The following RIDA variants were observed in gnomAD, a reference collection of about 807,000 sequenced individuals.
The protein encoded by RIDA is reactive intermediate imine deaminase A, also known as 2-iminobutanoate/2-iminopropanoate deaminase.
Under a neutral mutation model 17.8 loss-of-function variants are expected in RIDA, and 17 were observed. That is an observed-to-expected ratio of 0.96 (90% confidence interval 0.65 to 1.43). The LOEUF (loss-of-function observed/expected upper bound fraction) is 1.43. Ranked by LOEUF, RIDA falls within the 40% of genes most tolerant of loss-of-function variation. The pLI is 0.00. For synonymous variants in RIDA, 48 were observed against 55.7 expected, an observed-to-expected ratio of 0.86 and a Z score of 0.62; for missense variants, 158 against 161.7, an observed-to-expected ratio of 0.98 and a Z score of 0.12.
At position 98,112,195 on chromosome 8, in the gene RIDA, AACAC is replaced by A. The variant is rs56178607; in HGVS notation, c.66-3448_66-3445del. ...TGTTATCATAAATAAAACTATACTA[AACAC>A]ACACACACACACACACACACACACT... On this transcript the variant is annotated intron_variant, in intron 1 of 5. Coordinates refer to ENST00000254878, the MANE Select transcript of RIDA (RefSeq NM_005836.3). 2.8e-3 allele frequency among the ~76,000 whole-genome samples: 420 copies of A among 148,068 alleles called. 1 individual carries two copies. Among genetic ancestry groups the A allele is most frequent in the African/African-American group, 9.8e-3 (389 of 39,844 alleles).
chr8:98,113,096 A>T (rs773098395), intron 1 of RIDA, among the ~76,000 whole-genome samples: 3 of 152,228 alleles, frequency 2.0e-5, no homozygotes, highest in Non-Finnish European at 4.4e-5. Context: ...AAAGCATTCT[A>T]ATAATTCTCA....
intron 1 of RIDA, among the ~76,000 whole-genome samples, chr8:98,110,463 T>C (rs1037257356): frequency 3.3e-5 from 5 of 152,190 alleles, no homozygotes; most frequent in African/African-American, 1.2e-4. Flanking sequence ...TTTTGCCATG[T>C]TGGCCAGGCT....
chr8:98,111,234 G>T (rs1169751891), intron 1 of RIDA, among the ~76,000 whole-genome samples: 1 of 152,130 alleles, frequency 6.6e-6, no homozygotes, highest in East Asian at 1.9e-4. Flanking sequence ...TTATAGGAAT[G>T]ATATTAATTT....
rs567125321 is a variant in RIDA at position 98,115,578 on chromosome 8, T to TG, written c.65+1453dup. ...ACTTTTTTTTTTTTTTAAATAGAGATGGGGGTCTCACTATGTTGCCCAGGC... is the reference window on the plus strand; with the variant it reads ...ACTTTTTTTTTTTTTTAAATAGAGATGGGGGGTCTCACTATGTTGCCCAGGC... On this transcript the variant is annotated intron_variant, in intron 1 of 5. Coordinates refer to ENST00000254878, the MANE Select transcript of RIDA (RefSeq NM_005836.3). Among the ~76,000 whole-genome samples, 35 of 150,758 alleles carry TG rather than the reference T, an allele frequency of 2.3e-4. 1 individual carries two copies. The South Asian group carries it at 5.5e-3, about 24-fold the overall frequency.
Position 98,104,543 on chromosome 8 carries a change from A to C in RIDA, c.297T>G (p.Tyr99Ter). 6.4e-7 allele frequency: 1 copy of C among 1,570,386 alleles called. No individual in the cohort carries two copies. Among genetic ancestry groups the C allele is most frequent in the Non-Finnish European group, 8.7e-7 (1 of 1,143,100 alleles). The change falls in exon 5 of 6, where the codon TAT becomes TAG. Residue 99 changes from tyrosine to a stop codon, truncating the protein, a stop_gained and splice_region_variant. Transcript: ENST00000254878. LOFTEE classifies it high-confidence loss of function. The stretch of plus-strand genomic sequence containing the variant: ...CTCTAGCAGGAAAATTACTCTTGAA[A>C]TCTGAATTTAAAAGAATTTCATTTT... Reference protein sequence around the residue: ...FNTVNEIYKQYFKSNFPARAA... With the variant: ...FNTVNEIYKQ
chr8:98,109,006 C>T (rs59734801), intron 1 of RIDA, among the ~76,000 whole-genome samples: 2,571 of 152,068 alleles, frequency 0.017, 67 homozygotes, highest in African/African-American at 0.059. Flanking sequence ...TTGAGATCAG[C>T]CTGGGCAACC....
intron 1 of RIDA, among the ~76,000 whole-genome samples, chr8:98,111,136 G>A (rs909928946): frequency 1.3e-5 from 2 of 151,946 alleles, no homozygotes; most frequent in African/African-American, 4.8e-5. Context: ...TCTGTTATGA[G>A]GATGCTAAAT....
intron 1 of RIDA, among the ~76,000 whole-genome samples, chr8:98,115,478 G>A (rs988460499): frequency 2.7e-5 from 4 of 149,066 alleles, no homozygotes; most frequent in Admixed American, 6.7e-5. Flanking sequence ...ACTCTACCCC[G>A]TTTGATTACA....
At chr8:98,108,609 G>C (rs760927436) in intron 2 of RIDA, 37 bp downstream of exon 2, 1 of 1,265,992 alleles carries the variant, frequency 7.9e-7, no homozygotes, top group Non-Finnish European at 1.2e-6. Context: ...TAAAAAGGTA[G>C]TAGAAAAGGG....
At chr8:98,109,547 T>C (rs938872177) in intron 1 of RIDA, among the ~76,000 whole-genome samples, 28 of 152,108 alleles carry the variant, frequency 1.8e-4, no homozygotes, top group African/African-American at 6.3e-4. Flanking sequence ...CTTTAGAAAA[T>C]AGTTTGGCAG....
rs1387740130 is a variant in RIDA at position 98,102,691 on chromosome 8, C to T, written c.*151G>A. ...TCTCTAATATTCATGTTCAACTCTCCCTATTACATGGTATTTCCATAATAG... is the reference window on the plus strand; with the variant it reads ...TCTCTAATATTCATGTTCAACTCTCTCTATTACATGGTATTTCCATAATAG... On this transcript the variant is annotated 3_prime_UTR_variant, in exon 6 of 6. Coordinates refer to ENST00000254878, the MANE Select transcript of RIDA (RefSeq NM_005836.3). The T allele has an allele frequency of 7.3e-6, 4 of 547,274 alleles. No individual in the cohort carries two copies. Among genetic ancestry groups the T allele is most frequent in the Non-Finnish European group, 1.3e-5 (4 of 311,820 alleles). 33.9% of individuals were successfully genotyped at this position (547,274 alleles called of 1,614,324 possible).
chr8:98,113,435 CA>C (rs369874105), intron 1 of RIDA, among the ~76,000 whole-genome samples: 191 of 152,314 alleles, frequency 1.3e-3, no homozygotes, highest in African/African-American at 4.5e-3. Context: ...TAGTTAGTTG[CA>C]GTCTGTTTTT....
chr8:98,116,936 G>T, intron 1 of RIDA, 96 bp downstream of exon 1: 1 of 980,270 alleles, frequency 1.0e-6, no homozygotes, highest in South Asian at 1.5e-5. Context: ...CAATTTCCTT[G>T]CGTGTTAGCT....
In RIDA at chr8:98,108,366, C is replaced by T. The variant is rs145299108; in HGVS notation, c.171+280G>A. On this transcript the variant is annotated intron_variant, in intron 2 of 5. Coordinates refer to ENST00000254878, the MANE Select transcript of RIDA (RefSeq NM_005836.3). The stretch of plus-strand genomic sequence containing the variant: ...GGCCCTGAGAAGAAAATTTCCCAAT[C>T]CATGTGGAAGTGGCAACATGTCATC... Among the ~76,000 whole-genome samples, 894 of 149,492 alleles carry T rather than the reference C, an allele frequency of 6.0e-3. 5 individuals carry two copies. Among genetic ancestry groups the T allele is most frequent in the Middle Eastern group, 0.01 (3 of 292 alleles).
intron 5 of RIDA, among the ~76,000 whole-genome samples, chr8:98,104,158 T>C (rs1229923336): frequency 1.3e-5 from 2 of 151,456 alleles, no homozygotes; most frequent in Non-Finnish European, 2.9e-5. Context: ...TATAGCTCAC[T>C]GCAGCCTTGA....
At chr8:98,115,388 C>CAAAA (rs766262204) in intron 1 of RIDA, among the ~76,000 whole-genome samples, 1 of 41,132 alleles carries the variant, frequency 2.4e-5, no homozygotes, top group Non-Finnish European at 4.2e-5. Context: ...ACTCTGCCTC[C>CAAAA]AAAAAAAAAA....
At chr8:98,103,870 C>T (rs1249713705) in intron 5 of RIDA, among the ~76,000 whole-genome samples, 1 of 151,964 alleles carries the variant, frequency 6.6e-6, no homozygotes, top group Non-Finnish European at 1.5e-5. Flanking sequence ...GATCTTCTGA[C>T]CTTGTGATCC....
At chr8:98,109,628 C>T (rs1815691903) in intron 1 of RIDA, among the ~76,000 whole-genome samples, 3 of 152,108 alleles carry the variant, frequency 2.0e-5, no homozygotes, top group Non-Finnish European at 4.4e-5. Context: ...CAGGATCTTG[C>T]TCTGTCACCC....
At chr8:98,107,080 A>G (rs565488668) in intron 2 of RIDA, among the ~76,000 whole-genome samples, 11 of 152,312 alleles carry the variant, frequency 7.2e-5, no homozygotes, top group African/African-American at 2.6e-4. Flanking sequence ...ACAAGCACAC[A>G]TGGTAGCATA....
Sources: gnomAD v4.1 joint callset for allele counts (sites outside exome capture counted in the v4.1 genomes callset) on GRCh38, gnomAD v4.1.1 for gene constraint, MANE v1.5 for transcripts, NCBI Gene and HGNC (gene_info 2026-07-23, HGNC 2026-07-21) for gene names.